ATP1A4: variants seen among roughly 807,000 people sequenced by gnomAD.
ATP1A4 encodes ATPase Na+/K+ transporting subunit alpha 4, also known as sodium/potassium-transporting ATPase subunit alpha-4.
Under a neutral mutation model 114.3 loss-of-function variants are expected in ATP1A4, and 90 were observed. The observed-to-expected ratio is 0.79, with a 90% CI of 0.66 to 0.94. The LOEUF is 0.94. ATP1A4 is among the 40% of genes least tolerant of loss of function. The pLI, the probability that ATP1A4 is intolerant of heterozygous loss-of-function variation, is 0.00. For missense variants in ATP1A4, 1,222 were observed against 1,313.6 expected, an observed-to-expected ratio of 0.93 and a Z score of 1.08; for synonymous variants, 511 against 494.1, an observed-to-expected ratio of 1.03 and a Z score of -0.45.
intron 20 of ATP1A4, among the ~76,000 whole-genome samples, chr1:160,184,615 G>T (rs777692146): frequency 2.0e-5 from 3 of 152,028 alleles, no homozygotes; most frequent in Non-Finnish European, 2.9e-5. Context: ...CTGATATATT[G>T]ATATCAGTTT....
At chr1:160,166,405 G>T in intron 7 of ATP1A4, 123 bp from the exon 8 acceptor site, 1 of 1,269,518 alleles carries the variant, frequency 7.9e-7, no homozygotes. Flanking sequence ...GAGTAGGTGG[G>T]AACAAAAGGG....
chr1:160,166,988 T>C lies in ATP1A4; in HGVS notation c.1267T>C (p.Ser423Pro). The part of the protein sequence containing the change: ...EQTGKTFTKS[S>P]DTWFMLARIA... The stretch of plus-strand genomic sequence containing the variant: ...CCTAGGAAAAACATTTACCAAGAGC[T>C]CTGATACCTGGTTTATGCTGGCCCG... The change falls in exon 9 of 22, where the codon TCT (serine) becomes CCT (proline). Residue 423 changes from serine to proline, a missense_variant. Ser to Pro is a moderately conservative substitution (Grantham distance 74). Coordinates refer to ENST00000368081, the MANE Select transcript of ATP1A4 (RefSeq NM_144699.4). 1.2e-6 allele frequency: 2 copies of C among 1,614,176 alleles called. No individual in the cohort carries two copies. Among genetic ancestry groups the C allele is most frequent in the South Asian group, 1.1e-5 (1 of 91,086 alleles).
At position 160,180,597 on chromosome 1, in the gene ATP1A4, A is replaced by G. The variant is rs983010275; in HGVS notation, c.2737-1087A>G. Among the ~76,000 whole-genome samples, 5 of 137,260 alleles carry G rather than the reference A, an allele frequency of 3.6e-5. 1 individual carries two copies. Among genetic ancestry groups the G allele is most frequent in the Non-Finnish European group, 7.7e-5 (5 of 64,820 alleles). The allele number at this position is 137,260 out of a possible 152,430, so 90.0% of individuals were successfully genotyped here. A position where few individuals can be genotyped will look rare whatever the true frequency, so the allele number is the denominator to read the frequency against. On this transcript the variant is annotated intron_variant, in intron 18 of 21. Transcript: ENST00000368081. The stretch of plus-strand genomic sequence containing the variant: ...GAATGAATGTCTCCTATCTGATACC[A>G]CTCTTTGGGGTATTTCTTTCCCCCC...
chr1:160,168,043 TC>T (rs778825036), intron 10 of ATP1A4, among the ~76,000 whole-genome samples: 1 of 152,208 alleles, frequency 6.6e-6, no homozygotes, highest in Non-Finnish European at 1.5e-5. Flanking sequence ...GTGAAGTTTT[TC>T]ATTTCCCAGG....
chr1:160,154,645 T>C (rs1238989481), intron 2 of ATP1A4, among the ~76,000 whole-genome samples: 1 of 152,198 alleles, frequency 6.6e-6, no homozygotes, highest in Non-Finnish European at 1.5e-5. Flanking sequence ...GTTAATATGT[T>C]ATCAACATTA....
intron 10 of ATP1A4, among the ~76,000 whole-genome samples, chr1:160,167,630 A>G (rs113543568): frequency 0.015 from 2,221 of 152,318 alleles, 61 homozygotes; most frequent in African/African-American, 0.049. Context: ...AGTCAGTCCT[A>G]TGCAGAGATC....
At chr1:160,153,073 T>A in intron 1 of ATP1A4, 92 bp from the exon 2 acceptor site, 2 of 1,040,546 alleles carry the variant, frequency 1.9e-6, no homozygotes, top group South Asian at 1.3e-5. Flanking sequence ...CAGTCTCAGT[T>A]TGGACTAACA....
At chr1:160,159,257 G>T in intron 5 of ATP1A4, 121 bp downstream of exon 5, 1 of 1,438,772 alleles carries the variant, frequency 7.0e-7, no homozygotes, top group Non-Finnish European at 9.4e-7. Flanking sequence ...TACAAGTGCA[G>T]ATTTGATGTT....
chr1:160,172,610 A>G (rs1653304894), intron 12 of ATP1A4, among the ~76,000 whole-genome samples: 1 of 152,212 alleles, frequency 6.6e-6, no homozygotes, highest in Admixed American at 6.5e-5. Context: ...AAGACTCATC[A>G]TATACATCTT....
rs556761209 is a variant in ATP1A4 at position 160,167,743 on chromosome 1, G to A, written c.1491+331G>A. ...GAAAGTCATGTTAGAGTCACATGCA[G>A]CTGTTAGGAGGCCCCTCTGTGTCTA... On this transcript the variant is annotated intron_variant, in intron 10 of 21. Coordinates refer to ENST00000368081, the MANE Select transcript of ATP1A4 (RefSeq NM_144699.4). 7.2e-5 allele frequency among the ~76,000 whole-genome samples: 11 copies of A among 152,366 alleles called. No individual in the cohort carries two copies. In the South Asian group the frequency reaches 2.3e-3, roughly 32 times the overall value.
chr1:160,182,606 C>T (rs1653743998), intron 20 of ATP1A4: 1 of 153,062 alleles, frequency 6.5e-6, no homozygotes, highest in Admixed American at 6.5e-5. Context: ...ATTACCCAAC[C>T]CAACTTGCAT....
intron 7 of ATP1A4, among the ~76,000 whole-genome samples, chr1:160,164,753 T>C (rs1652974481): frequency 6.6e-6 from 1 of 152,214 alleles, no homozygotes; most frequent in Non-Finnish European, 1.5e-5. Context: ...GGAAGATTAA[T>C]TTGGAATTAT....
At position 160,153,263 on chromosome 1, in the gene ATP1A4, A is replaced by T. The variant is rs768797579; in HGVS notation, c.207+39A>T. 5.7e-6 allele frequency: 9 copies of T among 1,568,148 alleles called. No individual in the cohort carries two copies. The East Asian group carries it at 1.8e-4, about 31-fold the overall frequency. ...TCCCTGAGGAGGCAGAGAGTCTCCAACTCTGACTGTGAGGCTGCCAGGACA... is the reference window on the plus strand; with the variant it reads ...TCCCTGAGGAGGCAGAGAGTCTCCATCTCTGACTGTGAGGCTGCCAGGACA... On this transcript the variant is annotated intron_variant, in intron 2 of 21. Coordinates refer to ENST00000368081, the MANE Select transcript of ATP1A4 (RefSeq NM_144699.4).
At position 160,177,525 on chromosome 1, in the gene ATP1A4, T is replaced by G. The variant is rs1447209962; in HGVS notation, c.2597T>G (p.Ile866Ser). The G allele has an allele frequency of 6.2e-7, 1 of 1,614,068 alleles. No homozygotes were observed. The highest frequency in any genetic ancestry group is 1.3e-5 in the African/African-American group (1 of 75,054). Residue 866 changes from isoleucine (I) to serine (S), a missense_variant, in exon 18 of 22, where the codon ATC becomes AGC. Transcript: ENST00000368081. ...IGMAYGQIGM[I>S]QALAGFFTYF... The stretch of plus-strand genomic sequence containing the variant: ...GCAACTCTGTCATTCACAGGGATGA[T>G]CCAGGCTCTGGCTGGATTCTTTACC...
At chr1:160,174,952 G>A (rs984414388) in intron 15 of ATP1A4, among the ~76,000 whole-genome samples, 5 of 152,140 alleles carry the variant, frequency 3.3e-5, no homozygotes, top group African/African-American at 7.2e-5. Context: ...TGATGAGATC[G>A]GAGAAAAGTC....
chr1:160,166,568 A>C lies in ATP1A4; in HGVS notation c.1088A>C (p.Asn363Thr), dbSNP rs1362168248. 1.2e-6 allele frequency: 2 copies of C among 1,614,242 alleles called. No individual in the cohort carries two copies. The highest frequency in any genetic ancestry group is 2.7e-5 in the African/African-American group (2 of 75,066). Residue 363 changes from asparagine to threonine, a missense_variant, in exon 8 of 22, where the codon AAC becomes ACC. Asn to Thr is a moderately conservative substitution (Grantham distance 65). Transcript: ENST00000368081. ...TLTAKRMARK[N>T]CLVKNLEAVE... ...ACAGCCAAGCGCATGGCGCGGAAGA[A>C]CTGCCTGGTGAAGAACCTGGAGGCG...
chr1:160,167,136 C>CA, intron 9 of ATP1A4, 59 bp downstream of exon 9: 2 of 1,577,770 alleles, frequency 1.3e-6, no homozygotes, highest in Non-Finnish European at 1.7e-6. Context: ...TGACCTCTCC[C>CA]AAAAAATCCT....
chr1:160,155,028 A>T lies in ATP1A4; in HGVS notation c.208-17A>T. ...TTTTCACAGCTCTCTATCCAACCCT[A>T]TTTCTTCTCTGCACAGGGCCATAGC... On this transcript the variant is annotated splice_polypyrimidine_tract_variant and intron_variant, in intron 2 of 21. Transcript: ENST00000368081. The T allele has an allele frequency of 2.5e-6, 4 of 1,610,840 alleles. 1 individual carries two copies. Among genetic ancestry groups the T allele is most frequent in the Non-Finnish European group, 3.4e-6 (4 of 1,178,056 alleles).
chr1:160,186,048 T>A (rs1182574447), intron 20 of ATP1A4, among the ~76,000 whole-genome samples: 3 of 127,858 alleles, frequency 2.3e-5, no homozygotes, highest in East Asian at 2.6e-4. Flanking sequence ...TGAGCCGAGA[T>A]TGCACTCCAG....
Sources: gnomAD v4.1 joint callset for allele counts (sites outside exome capture counted in the v4.1 genomes callset) on GRCh38, gnomAD v4.1.1 for gene constraint, MANE v1.5 for transcripts, NCBI Gene and HGNC (gene_info 2026-07-23, HGNC 2026-07-21) for gene names.